Variants in PFKP observed in about 807,000 individuals in gnomAD.
PFKP encodes phosphofructokinase, platelet, also known as ATP-dependent 6-phosphofructokinase, platelet type.
Under a neutral mutation model 94.3 loss-of-function variants are expected in PFKP, and 101 were observed. The ratio of observed to expected loss-of-function variants is 1.07; its 90% CI spans 0.91 to 1.26. The LOEUF (loss-of-function observed/expected upper bound fraction) is 1.26. Ranked by LOEUF, PFKP falls within the 50% of genes most tolerant of loss-of-function variation. PFKP has a pLI of 0.00. For missense variants in PFKP, 1,145 were observed against 1,103.3 expected (o/e 1.04, Z -0.53); for synonymous variants, 573 against 432.6 (o/e 1.32, Z -4.03).
chr10:3,069,146 G>C, intron 1 of PFKP: 6 of 859,268 alleles, frequency 7.0e-6, no homozygotes, highest in Non-Finnish European at 9.0e-6. Context: ...CAGGCCCAGC[G>C]CCCCCCGCGG....
At chr10:3,089,714 AAT>A (rs1833901221) in intron 2 of PFKP, among the ~76,000 whole-genome samples, 1 of 150,030 alleles carries the variant, frequency 6.7e-6, no homozygotes, top group African/African-American at 2.4e-5. Context: ...TATCGTATAC[AAT>A]GTTATACATT....
Position 3,112,267 on chromosome 10 carries a change from G to A in PFKP, c.1135G>A (p.Ala379Thr), listed in dbSNP as rs1275941641. ...GATGGACGAGAGGAGATTTCAAGAT[G>A]CGGTTCGACTCCGAGGGAGGTGAGG... Reference protein sequence around the residue: ...KAMDERRFQDAVRLRGRSFAG... With the variant: ...KAMDERRFQDTVRLRGRSFAG... Residue 379 changes from alanine (A) to threonine (T), a missense_variant, in exon 11 of 22, where the codon GCG (alanine) becomes ACG (threonine). Coordinates refer to ENST00000381125, the MANE Select transcript of PFKP (RefSeq NM_002627.5). The A allele has an allele frequency of 6.2e-7, 1 of 1,613,778 alleles. No homozygotes were observed. Among genetic ancestry groups the A allele is most frequent in the Admixed American group, 1.7e-5 (1 of 60,022 alleles).
In PFKP at chr10:3,113,196, G is replaced by A. The variant is rs765099632; in HGVS notation, c.1224+8G>A. The A allele has an allele frequency of 1.9e-5, 31 of 1,609,900 alleles. No individual in the cohort carries two copies. Among genetic ancestry groups the A allele is most frequent in the Admixed American group, 6.7e-5 (4 of 59,630 alleles). ...GATGATCAGATCCCAAAGGTAGGTG[G>A]CCGGCCTCCCGCGATGCCCCGACCT... On this transcript the variant is annotated splice_region_variant and intron_variant, in intron 12 of 21. Coordinates refer to ENST00000381125, the MANE Select transcript of PFKP (RefSeq NM_002627.5).
chr10:3,077,190 A>C (rs1424492866), intron 1 of PFKP, among the ~76,000 whole-genome samples: 1 of 151,468 alleles, frequency 6.6e-6, no homozygotes, highest in Non-Finnish European at 1.5e-5. Flanking sequence ...ATTACTCCAG[A>C]CAATGGAGGA....
In PFKP at chr10:3,135,839, G is replaced by T; in HGVS notation, c.2225+1G>T. 6.2e-7 allele frequency: 1 copy of T among 1,600,628 alleles called. No individual in the cohort carries two copies. Among genetic ancestry groups the T allele is most frequent in the Non-Finnish European group, 8.6e-7 (1 of 1,167,854 alleles). On this transcript the variant is annotated splice_donor_variant, in intron 21 of 21. Coordinates refer to ENST00000381125, the MANE Select transcript of PFKP (RefSeq NM_002627.5). LOFTEE classifies it high-confidence loss of function. ...AGCTGAAGAAGCAAACGGATTTTGA[G>T]TAAGTTGGCTGGGTTCCCTGAGGCA... is the stretch of plus-strand genomic sequence containing the variant.
chr10:3,110,409 G>T lies in PFKP; in HGVS notation c.1089+929G>T, dbSNP rs1298211718. Among the ~76,000 whole-genome samples, 5 of 148,040 alleles carry T rather than the reference G, an allele frequency of 3.4e-5. No homozygotes were observed. The Admixed American group carries it at 3.4e-4, about 10-fold the overall frequency. On this transcript the variant is annotated intron_variant, in intron 10 of 21. Coordinates refer to ENST00000381125, the MANE Select transcript of PFKP (RefSeq NM_002627.5). ...TTTTTTGTATTTTTAGTAGAGGTGG[G>T]GTTTCACCGTGTTAGCCAGGATGGT...
In PFKP at chr10:3,129,828, C is replaced by G; in HGVS notation, c.1693C>G (p.Arg565Gly). 1 of 1,613,434 alleles carries G rather than the reference C, an allele frequency of 6.2e-7. No homozygotes were observed. The highest frequency in any genetic ancestry group is 8.5e-7 in the Non-Finnish European group (1 of 1,179,956). The change falls in exon 17 of 22, where the codon CGC becomes GGC. Residue 565 changes from arginine (R) to glycine (G), a missense_variant. Physicochemically the swap from Arg to Gly is moderately radical, Grantham distance 125. This residue lies in a region of PFKP where 1,119 missense variants were observed against 1,062.8 expected (regional missense o/e 1.05). Coordinates refer to ENST00000381125, the MANE Select transcript of PFKP (RefSeq NM_002627.5). ...ALNTITDTCD[R>G]IKQSASGTKR... is the part of the protein sequence containing the mutation. ...GCTTCTCTGTGACCAGACCTGCGAC[C>G]GCATCAAGCAGTCCGCCAGCGGAAC... is the stretch of plus-strand genomic sequence containing the variant.
chr10:3,113,652 G>T, intron 13 of PFKP, 134 bp downstream of exon 13: 1 of 321,446 alleles, frequency 3.1e-6, no homozygotes, highest in Middle Eastern at 7.2e-4. Context: ...TATTGTGACT[G>T]AAGCATTGCT....
intron 2 of PFKP, among the ~76,000 whole-genome samples, chr10:3,096,579 G>A (rs893828923): frequency 1.3e-5 from 2 of 151,968 alleles, no homozygotes; most frequent in African/African-American, 4.8e-5. Flanking sequence ...GGGCTTGGAG[G>A]ATGGGAGGTC....
intron 2 of PFKP, among the ~76,000 whole-genome samples, chr10:3,097,310 C>T (rs1304390926): frequency 6.6e-6 from 1 of 152,030 alleles, no homozygotes; most frequent in African/African-American, 2.4e-5. Flanking sequence ...CAGGACAGAA[C>T]ATAAACGGTG....
chr10:3,088,198 A>G (rs1833773752), intron 2 of PFKP, among the ~76,000 whole-genome samples: 1 of 122,376 alleles, frequency 8.2e-6, no homozygotes, highest in Non-Finnish European at 1.6e-5. Context: ...TCCTGTGTCC[A>G]TGTGTTCTCA....
intron 1 of PFKP, among the ~76,000 whole-genome samples, chr10:3,080,138 T>TG (rs1454882720): frequency 1.1e-4 from 16 of 152,058 alleles, no homozygotes; most frequent in African/African-American, 3.9e-4. Context: ...GGGAGGTCCC[T>TG]GGGGCATGGC....
chr10:3,125,142 C>T, intron 16 of PFKP: 1 of 1,345,290 alleles, frequency 7.4e-7, no homozygotes, highest in East Asian at 4.9e-5. Context: ...AGGCCGCCAC[C>T]AGGAGCTTTG....
chr10:3,125,738 A>G (rs768983698), intron 16 of PFKP, among the ~76,000 whole-genome samples: 1 of 152,208 alleles, frequency 6.6e-6, no homozygotes, highest in Non-Finnish European at 1.5e-5. Context: ...TTTCACCAAC[A>G]TGTGCCTTGG....
chr10:3,104,953 T>C, intron 5 of PFKP, 162 bp from the exon 6 acceptor site: 1 of 702,986 alleles, frequency 1.4e-6, no homozygotes. Flanking sequence ...TAGTAGAAAA[T>C]GGACCATTTT....
intron 1 of PFKP, among the ~76,000 whole-genome samples, chr10:3,080,054 C>T (rs1298298193): frequency 5.9e-5 from 9 of 151,768 alleles, no homozygotes; most frequent in Admixed American, 3.9e-4. Context: ...GGAGGAAGAG[C>T]GTCCGAGCAA....
chr10:3,119,891 G>A lies in PFKP; in HGVS notation c.1531-1G>A. 6.2e-7 allele frequency: 1 copy of A among 1,614,032 alleles called. No individual in the cohort carries two copies. The highest frequency in any genetic ancestry group is 8.5e-7 in the Non-Finnish European group (1 of 1,179,968). ...CCACAACTCCCACGCTTGTCTGACA[G>A]GCCTACCTGGGACTCCTGGAGCTGT... On this transcript the variant is annotated splice_acceptor_variant, in intron 15 of 21. Transcript: ENST00000381125. LOFTEE classifies it high-confidence loss of function.
intron 1 of PFKP, among the ~76,000 whole-genome samples, chr10:3,081,785 A>G (rs559233721): frequency 1.4e-5 from 2 of 147,258 alleles, no homozygotes; most frequent in Non-Finnish European, 3.0e-5. Context: ...AATAGACATG[A>G]TACATTGTAA....
At chr10:3,088,199 T>G (rs1190545302) in intron 2 of PFKP, among the ~76,000 whole-genome samples, 2 of 134,114 alleles carry the variant, frequency 1.5e-5, no homozygotes, top group African/African-American at 5.7e-5. Context: ...CCTGTGTCCA[T>G]GTGTTCTCAT....
Sources: gnomAD v4.1 joint callset for allele counts (sites outside exome capture counted in the v4.1 genomes callset) on GRCh38, gnomAD v4.1.1 for gene constraint, gnomAD v4.1.1 regional missense constraint, MANE v1.5 for transcripts, NCBI Gene and HGNC (gene_info 2026-07-23, HGNC 2026-07-21) for gene names.